SCAND3: variants seen among roughly 807,000 people sequenced by gnomAD.
The protein encoded by SCAND3 is SCAN domain containing 3, also known as SCAN domain-containing protein 3.
At chr6:28,586,547 C>T in the SCAND3 span, 2 of 1,614,236 alleles carry the variant, frequency 1.2e-6, no homozygotes, top group East Asian at 2.2e-5. The surrounding 1 kb of genome is among the most constrained non-coding windows in gnomAD (Gnocchi z 4.4). Flanking sequence ...GATAGCAGAA[C>T]TGCCTGAAGC....
At chr6:28,581,748 G>A in the SCAND3 span, among the ~76,000 whole-genome samples, 3 of 152,122 alleles carry the variant, frequency 2.0e-5, no homozygotes, top group South Asian at 2.1e-4. Flanking sequence ...CCTCCTCCCC[G>A]AAATATGCTT....
chr6:28,598,228 C>T, the SCAND3 span, among the ~76,000 whole-genome samples: 1 of 152,226 alleles, frequency 6.6e-6, no homozygotes, highest in African/African-American at 2.4e-5. Context: ...TTTTATCTAT[C>T]CAGGAAGAAG....
chr6:28,586,305 C>T, the SCAND3 span: 2 of 1,602,622 alleles, frequency 1.2e-6, no homozygotes, highest in Non-Finnish European at 1.7e-6. This position sits in a 1 kb window ranked among gnomAD's most constrained non-coding sequence, Gnocchi z 4.4. Context: ...CACCTGCTGT[C>T]TAGGTTCATC....
chr6:28,571,785 CA>C, the SCAND3 span: 1 of 1,237,828 alleles, frequency 8.1e-7, no homozygotes, highest in Non-Finnish European at 1.1e-6. Flanking sequence ...CTGTTTCACT[CA>C]TAACTTCTCA....
the SCAND3 span, among the ~76,000 whole-genome samples, chr6:28,604,598 C>T: frequency 1.5e-3 from 221 of 146,768 alleles, no homozygotes; most frequent in African/African-American, 3.6e-3. Context: ...CGTGGCTGAC[C>T]GAGCGAGACT....
the SCAND3 span, among the ~76,000 whole-genome samples, chr6:28,580,162 C>T: frequency 1.3e-5 from 2 of 152,030 alleles, no homozygotes; most frequent in African/African-American, 2.4e-5. Flanking sequence ...TTTATTCTTG[C>T]CGGGCATGGT....
chr6:28,590,661 T>C, the SCAND3 span: 1 of 152,210 alleles, frequency 6.6e-6, no homozygotes, highest in South Asian at 2.1e-4. Context: ...TCAGATTTCT[T>C]ACTTTGACAT....
the SCAND3 span, chr6:28,589,442 G>A: frequency 6.6e-6 from 1 of 152,170 alleles, no homozygotes; most frequent in Non-Finnish European, 1.5e-5. Flanking sequence ...TCGAATCTCG[G>A]TGGGACCTTT....
At chr6:28,606,019 G>T in the SCAND3 span, among the ~76,000 whole-genome samples, 1 of 152,110 alleles carries the variant, frequency 6.6e-6, no homozygotes, top group East Asian at 1.9e-4. Flanking sequence ...AAAACATCAG[G>T]TCAATTGGTC....
the SCAND3 span, among the ~76,000 whole-genome samples, chr6:28,602,871 G>A: frequency 6.6e-6 from 1 of 150,850 alleles, no homozygotes; most frequent in Non-Finnish European, 1.5e-5. Context: ...GTGGACTGTT[G>A]AGTAAAAGAA....
the SCAND3 span, chr6:28,590,333 A>T: frequency 6.6e-6 from 1 of 152,334 alleles, no homozygotes; most frequent in African/African-American, 2.4e-5. Context: ...GGTCCGAAGC[A>T]TCCGGGAAAC....
the SCAND3 span, chr6:28,590,201 TG>T: frequency 6.6e-6 from 1 of 152,168 alleles, no homozygotes; most frequent in Admixed American, 6.6e-5. Context: ...ACAAGGGAGA[TG>T]GGGGTAAAAA....
At chr6:28,587,937 T>C in the SCAND3 span, 2 of 152,072 alleles carry the variant, frequency 1.3e-5, no homozygotes, top group Admixed American at 6.5e-5. Flanking sequence ...TTTCAAGCAG[T>C]CACTGGGTTC....
At chr6:28,578,212 G>C in the SCAND3 span, among the ~76,000 whole-genome samples, 1 of 152,298 alleles carries the variant, frequency 6.6e-6, no homozygotes, top group Non-Finnish European at 1.5e-5. Flanking sequence ...ATATGTTACT[G>C]TGTGGTTTGG....
chr6:28,595,543 G>A, the SCAND3 span, among the ~76,000 whole-genome samples: 6 of 151,834 alleles, frequency 4.0e-5, no homozygotes, highest in Admixed American at 2.6e-4. Context: ...CCAACATGGC[G>A]AGACCCCGTC....
the SCAND3 span, chr6:28,576,095 C>G: frequency 6.2e-7 from 1 of 1,603,802 alleles, no homozygotes; most frequent in Non-Finnish European, 8.5e-7. Flanking sequence ...AGGTTATCAC[C>G]ACCCATGCTT....
the SCAND3 span, chr6:28,575,179 G>A: frequency 1.9e-6 from 3 of 1,614,014 alleles, no homozygotes; most frequent in Non-Finnish European, 2.5e-6. The surrounding 1 kb of genome is among the most constrained non-coding windows in gnomAD (Gnocchi z 4.2). Context: ...TCTGTGATAG[G>A]GCTGATTTTG....
chr6:28,572,685 C>A, the SCAND3 span: 1 of 1,614,070 alleles, frequency 6.2e-7, no homozygotes, highest in Non-Finnish European at 8.5e-7. This position sits in a 1 kb window ranked among gnomAD's most constrained non-coding sequence, Gnocchi z 4.1. Context: ...ACATTCTTGA[C>A]AGAACTTTTC....
At chr6:28,611,265 G>C in the SCAND3 span, among the ~76,000 whole-genome samples, 5 of 152,124 alleles carry the variant, frequency 3.3e-5, no homozygotes, top group Non-Finnish European at 7.3e-5. Context: ...GATGTTTACT[G>C]AAAAGTAAAG....
Sources: allele counts gnomAD v4.1 joint callset (sites outside exome capture counted in the v4.1 genomes callset), GRCh38; gene constraint gnomAD v4.1.1; non-coding constraint Gnocchi (gnomAD v3.1); transcripts MANE v1.5; gene names NCBI Gene and HGNC (gene_info 2026-07-23, HGNC 2026-07-21).